The following EXOC4 variants were observed in gnomAD, a reference collection of about 807,000 sequenced individuals.
The protein encoded by EXOC4 is exocyst complex component 4, also known as SEC8-like 1.
Under a neutral mutation model 107.2 loss-of-function variants are expected in EXOC4, and 71 were observed. The ratio of observed to expected loss-of-function variants is 0.66; its 90% CI spans 0.55 to 0.81. The LOEUF is 0.81. Among genes scored for constraint, EXOC4 ranks in the 30% least tolerant of loss-of-function variants. EXOC4 has a pLI of 0.00. For synonymous variants in EXOC4, 456 were observed against 441.2 expected (o/e 1.03, Z -0.42); for missense variants, 1,108 against 1,189.6 (o/e 0.93, Z 1.01).
intron 9 of EXOC4, among the ~76,000 whole-genome samples, chr7:133,533,837 A>G (rs921999117): frequency 6.6e-6 from 1 of 152,114 alleles, no homozygotes; most frequent in African/African-American, 2.4e-5. Context: ...ACAGGAGTAC[A>G]GTTTGACTCT....
intron 1 of EXOC4, among the ~76,000 whole-genome samples, chr7:133,257,366 G>GGCA (rs1795042523): frequency 6.7e-6 from 1 of 149,798 alleles, no homozygotes; most frequent in Non-Finnish European, 1.5e-5. Flanking sequence ...TTACACACAC[G>GGCA]CACACACACA....
chr7:133,648,956 A>AG (rs1179809481), intron 10 of EXOC4, among the ~76,000 whole-genome samples: 5 of 152,188 alleles, frequency 3.3e-5, no homozygotes, highest in African/African-American at 1.2e-4. Flanking sequence ...AATATCACAA[A>AG]GAGAGATGAA....
At chr7:133,930,455 G>A (rs1017406190) in intron 13 of EXOC4, 1 of 152,262 alleles carries the variant, frequency 6.6e-6, no homozygotes, top group Middle Eastern at 3.4e-3. Context: ...CTCTGAGCTG[G>A]TGCTGTCAGC....
chr7:133,265,419 A>AAT (rs1554426885), intron 1 of EXOC4, among the ~76,000 whole-genome samples: 3 of 151,304 alleles, frequency 2.0e-5, no homozygotes, highest in African/African-American at 2.4e-5. Context: ...AAAAAAAAAA[A>AAT]TTCACTGGAA....
At chr7:133,684,619 T>C (rs988128664) in intron 10 of EXOC4, among the ~76,000 whole-genome samples, 17 of 152,224 alleles carry the variant, frequency 1.1e-4, no homozygotes, top group African/African-American at 4.1e-4. Flanking sequence ...AAATATGTGG[T>C]AAATTTCCAG....
intron 10 of EXOC4, among the ~76,000 whole-genome samples, chr7:133,784,943 G>T (rs545102901): frequency 2.6e-5 from 4 of 152,250 alleles, no homozygotes; most frequent in African/African-American, 9.6e-5. Flanking sequence ...GCTGTTTCGG[G>T]CCCTCCAGAA....
At chr7:133,787,963 T>TTATATATA (rs1163259405) in intron 10 of EXOC4, among the ~76,000 whole-genome samples, 106 of 40,888 alleles carry the variant, frequency 2.6e-3, no homozygotes, top group Non-Finnish European at 3.5e-3. Flanking sequence ...ATTTATATAT[T>TTATATATA]TATATATATA....
intron 7 of EXOC4, among the ~76,000 whole-genome samples, chr7:133,472,839 C>T (rs937070385): frequency 6.6e-6 from 1 of 151,924 alleles, no homozygotes; most frequent in Non-Finnish European, 1.5e-5. Flanking sequence ...ATTAAGGGGA[C>T]TTTACTGATG....
At chr7:133,851,208 G>A (rs899340480) in intron 11 of EXOC4, among the ~76,000 whole-genome samples, 6 of 152,202 alleles carry the variant, frequency 3.9e-5, no homozygotes, top group African/African-American at 1.4e-4. Context: ...ATTTCATGGA[G>A]CTTCTAGTCT....
intron 10 of EXOC4, among the ~76,000 whole-genome samples, chr7:133,643,713 T>G (rs1802917567): frequency 6.6e-6 from 1 of 152,210 alleles, no homozygotes; most frequent in South Asian, 2.1e-4. Flanking sequence ...TGATATGAAG[T>G]CAATAAATCT....
intron 9 of EXOC4, among the ~76,000 whole-genome samples, chr7:133,621,500 A>G (rs1802328844): frequency 6.6e-6 from 1 of 152,214 alleles, no homozygotes; most frequent in Non-Finnish European, 1.5e-5. Context: ...GTCTACTGAC[A>G]TGGACGTTTC....
At chr7:133,659,461 T>C (rs930564592) in intron 10 of EXOC4, among the ~76,000 whole-genome samples, 37 of 152,244 alleles carry the variant, frequency 2.4e-4, no homozygotes, top group Non-Finnish European at 3.7e-4. Flanking sequence ...AATTACTGGT[T>C]TTATATTGTT....
chr7:133,521,228 C>G (rs1175948013), intron 9 of EXOC4, among the ~76,000 whole-genome samples: 1 of 152,074 alleles, frequency 6.6e-6, no homozygotes, highest in Non-Finnish European at 1.5e-5. Flanking sequence ...ATTGAAAACC[C>G]TAGACATTAG....
intron 10 of EXOC4, among the ~76,000 whole-genome samples, chr7:133,664,499 CAGAGGTGCCTCTGAAT>C (rs1389312245): frequency 6.6e-6 from 1 of 152,132 alleles, no homozygotes; most frequent in Non-Finnish European, 1.5e-5. Context: ...CACCTCTGAA[CAGAGGTGCCTCTGAAT>C]ACCCAGATCT....
chr7:133,985,951 C>T (rs770629704), intron 14 of EXOC4, among the ~76,000 whole-genome samples: 11 of 152,066 alleles, frequency 7.2e-5, no homozygotes, highest in Non-Finnish European at 1.2e-4. Flanking sequence ...TCTTCTTCTT[C>T]TGTAAAAGTG....
chr7:133,665,259 T>C (rs1400667451), intron 10 of EXOC4, among the ~76,000 whole-genome samples: 1 of 152,154 alleles, frequency 6.6e-6, no homozygotes, highest in Admixed American at 6.5e-5. Flanking sequence ...CATTTGACTT[T>C]TACATGGTTA....
At chr7:134,019,018 C>T (rs1794969986) in intron 17 of EXOC4, among the ~76,000 whole-genome samples, 1 of 152,228 alleles carries the variant, frequency 6.6e-6, no homozygotes, top group South Asian at 2.1e-4. Flanking sequence ...CAACCTCCGC[C>T]TCCCAGGTTC....
intron 10 of EXOC4, among the ~76,000 whole-genome samples, chr7:133,665,001 G>GT (rs1793780253): frequency 3.9e-5 from 6 of 152,098 alleles, no homozygotes; most frequent in Non-Finnish European, 8.8e-5. Flanking sequence ...CAGTGGTGGG[G>GT]GAATCTCTAC....
chr7:133,628,393 C>T (rs1233040538), intron 9 of EXOC4, among the ~76,000 whole-genome samples: 1 of 152,168 alleles, frequency 6.6e-6, no homozygotes, highest in Non-Finnish European at 1.5e-5. Context: ...ACACCAGACA[C>T]CACTGAACTA....
Sources: allele counts gnomAD v4.1 joint callset (sites outside exome capture counted in the v4.1 genomes callset), GRCh38; gene constraint gnomAD v4.1.1; transcripts MANE v1.5; gene names NCBI Gene and HGNC (gene_info 2026-07-23, HGNC 2026-07-21).